Variants in UBR3 observed in about 807,000 individuals in gnomAD.
UBR3 encodes E3 ubiquitin-protein ligase UBR3.
Under a neutral mutation model 243.2 loss-of-function variants are expected in UBR3, and 85 were observed. That is an observed-to-expected ratio of 0.35 (90% CI 0.29 to 0.42). UBR3 has a LOEUF of 0.42. UBR3 is among the 10% of genes least tolerant of loss of function. The pLI, the probability that UBR3 is intolerant of heterozygous loss-of-function variation, is 1.00. For synonymous variants in UBR3, 748 were observed against 799.8 expected, an observed-to-expected ratio of 0.94 and a Z score of 1.09; for missense variants, 1,686 against 2,300.8, an observed-to-expected ratio of 0.73 and a Z score of 5.47.
intron 36 of UBR3, chr2:170,077,593 G>A: frequency 1.9e-6 from 1 of 517,132 alleles, no homozygotes; most frequent in Non-Finnish European, 3.4e-6. Flanking sequence ...CTTTCCTGTT[G>A]GAATAACTTT....
chr2:169,960,653 C>A (rs2105368952), intron 24 of UBR3, among the ~76,000 whole-genome samples: 1 of 152,204 alleles, frequency 6.6e-6, no homozygotes, highest in East Asian at 1.9e-4. Flanking sequence ...GATACCGCTT[C>A]ATATAAAATG....
chr2:169,899,728 C>T lies in UBR3; in HGVS notation c.1465+2993C>T, dbSNP rs550005079. 3.9e-5 allele frequency among the ~76,000 whole-genome samples: 6 copies of T among 152,218 alleles called. No homozygotes were observed. In the East Asian group the frequency reaches 9.7e-4, roughly 25 times the overall value. On this transcript the variant is annotated intron_variant, in intron 8 of 38. Transcript: ENST00000272793. ...ATGTGTTCTCATTGTTCAACTCCCA[C>T]TTATGAGTGAAAACATGCGGTGTTT... is the stretch of plus-strand genomic sequence containing the variant.
At chr2:169,882,124 T>A (rs1461077310) in intron 5 of UBR3, among the ~76,000 whole-genome samples, 3 of 128,310 alleles carry the variant, frequency 2.3e-5, no homozygotes, top group Non-Finnish European at 4.6e-5. Context: ...ATATGTATAT[T>A]ATATACATAT....
At chr2:169,998,903 C>T (rs1053708489) in intron 26 of UBR3, among the ~76,000 whole-genome samples, 39 of 152,120 alleles carry the variant, frequency 2.6e-4, no homozygotes, top group African/African-American at 8.9e-4. Context: ...TCATTCCTCT[C>T]TTGTAAAAAG....
At chr2:169,836,319 C>T (rs937657039) in intron 1 of UBR3, among the ~76,000 whole-genome samples, 7 of 151,244 alleles carry the variant, frequency 4.6e-5, no homozygotes, top group Admixed American at 1.3e-4. Flanking sequence ...TCCTGACCTC[C>T]GGTGATCTTC....
Position 169,878,521 on chromosome 2 carries a change from A to T in UBR3, c.989-4A>T. Reference sequence around the variant, plus strand: ...AGGACAACTATTTTTCTTCTCCTCCAAAGGTTTCATAGGCGCAACAGGAAC... The same window carrying T: ...AGGACAACTATTTTTCTTCTCCTCCTAAGGTTTCATAGGCGCAACAGGAAC... On this transcript the variant is annotated splice_region_variant and splice_polypyrimidine_tract_variant and intron_variant, in intron 4 of 38. Transcript: ENST00000272793. 6.4e-7 allele frequency: 1 copy of T among 1,550,930 alleles called. No homozygotes were observed.
chr2:170,057,696 TGTTA>T (rs1201747700), intron 33 of UBR3, among the ~76,000 whole-genome samples: 3 of 152,124 alleles, frequency 2.0e-5, no homozygotes, highest in Non-Finnish European at 4.4e-5. Context: ...ACCTCGTAAT[TGTTA>T]GTTATTTTTA....
chr2:169,894,184 G>A (rs958358780), intron 6 of UBR3, among the ~76,000 whole-genome samples: 1 of 151,910 alleles, frequency 6.6e-6, no homozygotes, highest in Non-Finnish European at 1.5e-5. Flanking sequence ...TTAGCAGGGT[G>A]TGGTCTTGCA....
chr2:170,053,923 C>T (rs1298225722), intron 32 of UBR3, among the ~76,000 whole-genome samples: 1 of 152,114 alleles, frequency 6.6e-6, no homozygotes, highest in Non-Finnish European at 1.5e-5. Flanking sequence ...ATCACAAGCA[C>T]ATCTTTCTGA....
chr2:169,856,129 C>T (rs2082846056), intron 1 of UBR3, among the ~76,000 whole-genome samples: 1 of 145,846 alleles, frequency 6.9e-6, no homozygotes, highest in African/African-American at 2.6e-5. Context: ...GGCAGCCGGT[C>T]AGAGACGCTC....
chr2:169,993,771 T>C (rs894725373), intron 25 of UBR3, among the ~76,000 whole-genome samples: 1 of 152,218 alleles, frequency 6.6e-6, no homozygotes, highest in African/African-American at 2.4e-5. Flanking sequence ...CTTGCCTGGG[T>C]CAGTGAACGT....
intron 35 of UBR3, among the ~76,000 whole-genome samples, chr2:170,068,729 G>C (rs2091633922): frequency 6.6e-6 from 1 of 151,918 alleles, no homozygotes; most frequent in African/African-American, 2.4e-5. Flanking sequence ...AGCTGGAAGA[G>C]AGCTGATTGA....
At chr2:170,075,251 C>T (rs2091781748) in intron 36 of UBR3, among the ~76,000 whole-genome samples, 1 of 151,790 alleles carries the variant, frequency 6.6e-6, no homozygotes, top group South Asian at 2.1e-4. Context: ...ATTACATATA[C>T]AAATATCTTC....
chr2:169,954,205 CTTG>C (rs2087164160), intron 23 of UBR3, among the ~76,000 whole-genome samples: 1 of 151,420 alleles, frequency 6.6e-6, no homozygotes, highest in African/African-American at 2.4e-5. Flanking sequence ...CTTGTCTTGT[CTTG>C]TCTTGTCTTG....
intron 10 of UBR3, among the ~76,000 whole-genome samples, chr2:169,910,700 C>T (rs539427575): frequency 5.5e-4 from 84 of 152,244 alleles, no homozygotes; most frequent in Non-Finnish European, 1.1e-3. Context: ...GTTCTAGGCA[C>T]TTTTCATATA....
At chr2:169,942,692 C>A in intron 20 of UBR3, 58 bp downstream of exon 20, 7 of 1,398,676 alleles carry the variant, frequency 5.0e-6, no homozygotes, top group South Asian at 1.7e-5. Context: ...AAATAATAAT[C>A]CTAAAGGATA....
chr2:170,018,032 T>A (rs1234151348), intron 30 of UBR3, among the ~76,000 whole-genome samples: 2 of 152,184 alleles, frequency 1.3e-5, no homozygotes, highest in Non-Finnish European at 2.9e-5. Flanking sequence ...CCAGCTCTTC[T>A]GACTCTAATT....
chr2:169,915,406 T>C (rs1342289774), intron 11 of UBR3, among the ~76,000 whole-genome samples: 1 of 152,140 alleles, frequency 6.6e-6, no homozygotes, highest in African/African-American at 2.4e-5. Flanking sequence ...GCTGATTTTT[T>C]TGTATTTTTA....
At chr2:169,832,131 T>C (rs2105275888) in intron 1 of UBR3, among the ~76,000 whole-genome samples, 1 of 152,314 alleles carries the variant, frequency 6.6e-6, no homozygotes, top group African/African-American at 2.4e-5. Context: ...GATTTAGTTA[T>C]TTTTGACTGA....
Sources: gnomAD v4.1 joint callset for allele counts (sites outside exome capture counted in the v4.1 genomes callset) on GRCh38, gnomAD v4.1.1 for gene constraint, MANE v1.5 for transcripts, NCBI Gene and HGNC (gene_info 2026-07-23, HGNC 2026-07-21) for gene names.